The following TRDN variants were observed in gnomAD, a reference collection of about 807,000 sequenced individuals.
TRDN encodes triadin.
A neutral mutation model predicts 149.7 loss-of-function variants in TRDN; 161 were observed. The ratio of observed to expected loss-of-function variants is 1.08; its 90% CI spans 0.95 to 1.23. The LOEUF (loss-of-function observed/expected upper bound fraction) is 1.23. TRDN is among the 50% of genes most tolerant of loss of function. The pLI, the probability that TRDN is intolerant of heterozygous loss-of-function variation, is 0.00. For synonymous variants in TRDN, 294 were observed against 250.5 expected (o/e 1.17, Z -1.64); for missense variants, 896 against 823.5 (o/e 1.09, Z -1.08).
At chr6:123,513,224 T>C (rs2114861713) in intron 6 of TRDN, among the ~76,000 whole-genome samples, 1 of 152,228 alleles carries the variant, frequency 6.6e-6, no homozygotes, top group African/African-American at 2.4e-5. Context: ...TTAGACAATG[T>C]TAACAAAAGG....
At chr6:123,358,675 G>T (rs9375251) in intron 20 of TRDN, among the ~76,000 whole-genome samples, 127,812 of 151,502 alleles carry the variant, frequency 0.84, 54,712 homozygotes, top group Middle Eastern at 0.93. Context: ...TAGAGACAGG[G>T]TTTCACCATG....
chr6:123,252,731 C>T (rs1776418105), intron 37 of TRDN, among the ~76,000 whole-genome samples: 1 of 152,046 alleles, frequency 6.6e-6, no homozygotes, highest in African/African-American at 2.4e-5. Flanking sequence ...AGCAATCCTC[C>T]CTCCTCTGCC....
chr6:123,464,996 G>C lies in TRDN; in HGVS notation c.854-13C>G. ...GCTGGGCTTTGTCCTACACAATGTA[G>C]AAGTAGGAATTGGAAAAAAAAAAGT... On this transcript the variant is annotated splice_polypyrimidine_tract_variant and intron_variant, in intron 9 of 40. Transcript: ENST00000334268. 4 of 1,569,510 alleles carry C rather than the reference G, an allele frequency of 2.5e-6. No individual in the cohort carries two copies.
intron 9 of TRDN, among the ~76,000 whole-genome samples, chr6:123,474,162 G>T (rs1777338113): frequency 6.6e-6 from 1 of 152,024 alleles, no homozygotes; most frequent in Non-Finnish European, 1.5e-5. Context: ...ATTGGATAGA[G>T]TCAAGACCCA....
intron 2 of TRDN, among the ~76,000 whole-genome samples, chr6:123,563,728 T>G (rs996398237): frequency 2.0e-5 from 3 of 152,234 alleles, no homozygotes; most frequent in African/African-American, 7.2e-5. Context: ...AATTAACATA[T>G]TCTGACTAAT....
chr6:123,499,719 A>AAAAAAAAAAAAATATATATATAT, intron 8 of TRDN, among the ~76,000 whole-genome samples: 5 of 47,676 alleles, frequency 1.0e-4, no homozygotes, highest in Admixed American at 3.0e-4. Flanking sequence ...AAAAAAAAAA[A>AAAAAAAAAAAAATATATATATAT]ATATATATAT....
chr6:123,466,009 A>G (rs1402507504), intron 9 of TRDN, among the ~76,000 whole-genome samples: 4 of 152,216 alleles, frequency 2.6e-5, no homozygotes, highest in East Asian at 3.9e-4. Flanking sequence ...CTCATGCCAC[A>G]TGGAGCTCTG....
At chr6:123,332,759 C>T (rs982224668) in intron 22 of TRDN, among the ~76,000 whole-genome samples, 5 of 152,014 alleles carry the variant, frequency 3.3e-5, no homozygotes, top group Admixed American at 3.3e-4. Context: ...TCTATTCCCA[C>T]CATATTATTT....
chr6:123,585,688 G>A lies in TRDN; in HGVS notation c.23-14556C>T, dbSNP rs920657587. 2.0e-4 allele frequency among the ~76,000 whole-genome samples: 31 copies of A among 152,258 alleles called. 1 individual carries two copies. Among genetic ancestry groups the A allele is most frequent in the African/African-American group, 7.5e-4 (31 of 41,552 alleles). ...TGGGGTTCCGTACAGATGGGACGTG[G>A]CTTAGGAGGAATCCTGGGCTGCAGG... On this transcript the variant is annotated intron_variant, in intron 1 of 40. Coordinates refer to ENST00000334268, the MANE Select transcript of TRDN (RefSeq NM_006073.4).
Position 123,559,809 on chromosome 6 carries a change from T to G in TRDN, c.232+11114A>C, listed in dbSNP as rs548357446. ...TTGTTTTGCCTATCCACCCTGTGGT[T>G]CCAAACCCATATACTCTCCTATCCT... On this transcript the variant is annotated intron_variant, in intron 2 of 40. Coordinates refer to ENST00000334268, the MANE Select transcript of TRDN (RefSeq NM_006073.4). 9.3e-4 allele frequency among the ~76,000 whole-genome samples: 142 copies of G among 152,112 alleles called. 1 individual carries two copies. Among genetic ancestry groups the G allele is most frequent in the South Asian group, 3.9e-3 (19 of 4,820 alleles).
intron 24 of TRDN, among the ~76,000 whole-genome samples, chr6:123,298,213 A>G (rs2114663752): frequency 6.6e-6 from 1 of 152,212 alleles, no homozygotes; most frequent in South Asian, 2.1e-4. Flanking sequence ...GAAACTAGCC[A>G]TCTCTATTGT....
intron 20 of TRDN, among the ~76,000 whole-genome samples, 199 bp downstream of exon 20, chr6:123,365,936 T>C (rs192721121): frequency 3.3e-5 from 5 of 152,280 alleles, no homozygotes; most frequent in Admixed American, 3.3e-4. Context: ...TAGCTTTAAT[T>C]TATGGTCCTA....
intron 24 of TRDN, among the ~76,000 whole-genome samples, chr6:123,310,818 G>GA (rs983880377): frequency 4.0e-5 from 6 of 151,774 alleles, no homozygotes; most frequent in Non-Finnish European, 7.4e-5. Flanking sequence ...ACCCATTTTG[G>GA]AAAAAAATAA....
At chr6:123,349,929 G>A (rs1780392849) in intron 21 of TRDN, 20 of 981,590 alleles carry the variant, frequency 2.0e-5, no homozygotes, top group South Asian at 4.8e-5. Context: ...TTACAATTAT[G>A]TAGGGAACCA....
chr6:123,367,809 C>A (rs553154717), intron 19 of TRDN, among the ~76,000 whole-genome samples: 3 of 152,126 alleles, frequency 2.0e-5, no homozygotes, highest in African/African-American at 7.2e-5. Context: ...TGATTTGGAC[C>A]GCACTTTGGA....
At chr6:123,399,180 A>G (rs149483236) in intron 12 of TRDN, among the ~76,000 whole-genome samples, 260 of 152,362 alleles carry the variant, frequency 1.7e-3, no homozygotes, top group Non-Finnish European at 3.0e-3. Context: ...TACTACATGT[A>G]GGTCAAAATC....
intron 1 of TRDN, among the ~76,000 whole-genome samples, chr6:123,620,646 C>T (rs767183305): frequency 1.3e-5 from 2 of 152,022 alleles, no homozygotes; most frequent in Non-Finnish European, 2.9e-5. Flanking sequence ...GGCTTTCCAC[C>T]TCAGTAAAAC....
rs565538741 is a variant in TRDN, at chr6:123,437,381, A to ATTT, written c.1051+679_1051+681dup. On this transcript the variant is annotated intron_variant, in intron 12 of 40. Coordinates refer to ENST00000334268, the MANE Select transcript of TRDN (RefSeq NM_006073.4). ...CTTTCTCTACTTTATTGAGATACAG[A>ATTT]TTTTTTTTTTTTTTTTTTTTTTTTT... 1,329 of 186,460 alleles carry ATTT rather than the reference A, an allele frequency of 7.1e-3. 42 individuals are homozygous for ATTT. Among genetic ancestry groups the ATTT allele is most frequent in the African/African-American group, 0.022 (422 of 19,460 alleles). 11.6% of individuals were successfully genotyped at this position (186,460 alleles called of 1,614,324 possible).
chr6:123,483,946 C>G (rs1022412436), intron 9 of TRDN, among the ~76,000 whole-genome samples: 15 of 152,188 alleles, frequency 9.9e-5, no homozygotes, highest in African/African-American at 3.6e-4. Flanking sequence ...ATGTATGATA[C>G]TTTAGAAACC....
Sources: gnomAD v4.1 joint callset for allele counts (sites outside exome capture counted in the v4.1 genomes callset) on GRCh38, gnomAD v4.1.1 for gene constraint, MANE v1.5 for transcripts, NCBI Gene and HGNC (gene_info 2026-07-23, HGNC 2026-07-21) for gene names.